The following FNDC3A variants were observed in gnomAD, a reference collection of about 807,000 sequenced individuals.
FNDC3A encodes fibronectin type III domain containing 3A.
Under a neutral mutation model 148.9 loss-of-function variants are expected in FNDC3A, and 32 were observed. That is an observed-to-expected ratio of 0.21 (90% confidence interval 0.16 to 0.29). The LOEUF is 0.29. FNDC3A is among the 10% of genes least tolerant of loss of function. The pLI is 1.00. For synonymous variants in FNDC3A, 472 were observed against 473.6 expected, an observed-to-expected ratio of 1.00 and a Z score of 0.04; for missense variants, 1,191 against 1,452.8, an observed-to-expected ratio of 0.82 and a Z score of 2.93.
intron 3 of FNDC3A, among the ~76,000 whole-genome samples, chr13:49,088,460 T>G (rs532632782): frequency 2.0e-3 from 298 of 152,308 alleles, no homozygotes; most frequent in Admixed American, 3.7e-3. Context: ...GATCATATAC[T>G]ACTACTACTT....
At chr13:49,030,333 A>T (rs1027512145) in intron 2 of FNDC3A, among the ~76,000 whole-genome samples, 8 of 152,166 alleles carry the variant, frequency 5.3e-5, no homozygotes, top group Non-Finnish European at 1.0e-4. Flanking sequence ...TCATGATAAA[A>T]ACACTCAGTA....
intron 3 of FNDC3A, among the ~76,000 whole-genome samples, chr13:49,077,239 C>T (rs1878177324): frequency 6.6e-6 from 1 of 152,172 alleles, no homozygotes; most frequent in Non-Finnish European, 1.5e-5. Context: ...TACCAGTGCA[C>T]TCCAGCCTGG....
intron 1 of FNDC3A, among the ~76,000 whole-genome samples, chr13:48,992,326 A>G (rs1214226567): frequency 6.6e-6 from 1 of 152,212 alleles, no homozygotes; most frequent in Non-Finnish European, 1.5e-5. Flanking sequence ...TAAAACTTCA[A>G]AAGACATTGG....
chr13:48,978,303 C>T (rs1951638703), intron 1 of FNDC3A, among the ~76,000 whole-genome samples: 2 of 151,934 alleles, frequency 1.3e-5, no homozygotes, highest in Admixed American at 6.5e-5. Context: ...CTTAACCCCC[C>T]GAAAAAAAGA....
chr13:49,080,451 T>A (rs1469124047), intron 3 of FNDC3A, among the ~76,000 whole-genome samples: 1 of 152,180 alleles, frequency 6.6e-6, no homozygotes, highest in African/African-American at 2.4e-5. Flanking sequence ...TTGAAATGAG[T>A]GCTAGTTTGA....
chr13:49,051,994 C>A lies in FNDC3A; in HGVS notation c.100-23295C>A, dbSNP rs142249269. Reference sequence around the variant, plus strand: ...AGACTTTCCAGTGCATTTTGCATTTCTCTGAGTGTGTCCTTGATTTCCAGA... The same window carrying A: ...AGACTTTCCAGTGCATTTTGCATTTATCTGAGTGTGTCCTTGATTTCCAGA... On this transcript the variant is annotated intron_variant, in intron 2 of 25. Transcript: ENST00000492622. 2.6e-3 allele frequency among the ~76,000 whole-genome samples: 392 copies of A among 152,120 alleles called. 10 individuals are homozygous for A. In the East Asian group the frequency reaches 0.041, roughly 16 times the overall value.
intron 2 of FNDC3A, among the ~76,000 whole-genome samples, chr13:49,008,427 A>G (rs903039121): frequency 3.3e-5 from 5 of 149,540 alleles, no homozygotes; most frequent in Non-Finnish European, 7.4e-5. Flanking sequence ...TGCCTGTTTA[A>G]CCACAGACTA....
intron 14 of FNDC3A, among the ~76,000 whole-genome samples, chr13:49,182,326 T>G (rs922433012): frequency 6.6e-6 from 1 of 152,174 alleles, no homozygotes; most frequent in Non-Finnish European, 1.5e-5. Flanking sequence ...GCAGTCAGAA[T>G]TCTTTAAAAT....
intron 2 of FNDC3A, among the ~76,000 whole-genome samples, chr13:49,057,251 G>A (rs571076639): frequency 1.9e-4 from 29 of 152,268 alleles, no homozygotes; most frequent in African/African-American, 6.7e-4. Context: ...GCTTTCTTAC[G>A]TCCTTCTGTT....
intron 3 of FNDC3A, among the ~76,000 whole-genome samples, chr13:49,077,265 C>T (rs141603363): frequency 1.3e-5 from 2 of 152,280 alleles, no homozygotes; most frequent in East Asian, 3.9e-4. Context: ...AAAGCGAGAC[C>T]CTGTCTCAAA....
At chr13:48,997,733 G>A (rs952934024) in intron 1 of FNDC3A, among the ~76,000 whole-genome samples, 7 of 152,252 alleles carry the variant, frequency 4.6e-5, no homozygotes, top group Admixed American at 1.3e-4. Flanking sequence ...TATGTCTGTT[G>A]TTTAAAGCAA....
At chr13:49,028,891 A>C (rs1459332727) in intron 2 of FNDC3A, among the ~76,000 whole-genome samples, 10 of 152,236 alleles carry the variant, frequency 6.6e-5, no homozygotes. Flanking sequence ...CAACAACAGC[A>C]GCATGTATAA....
intron 6 of FNDC3A, among the ~76,000 whole-genome samples, chr13:49,137,370 A>G (rs1882433457): frequency 1.3e-5 from 2 of 151,314 alleles, no homozygotes; most frequent in Admixed American, 1.3e-4. Flanking sequence ...TTTGAGACCA[A>G]GTCTCGCTCT....
intron 3 of FNDC3A, among the ~76,000 whole-genome samples, chr13:49,087,056 T>C (rs1356594443): frequency 6.6e-6 from 1 of 152,074 alleles, no homozygotes; most frequent in Non-Finnish European, 1.5e-5. Context: ...TAAGAGAAAA[T>C]TGCAATATTT....
chr13:49,136,347 ATGG>A lies in FNDC3A; in HGVS notation c.507_509del (p.His169_Gly170delinsGln). ...TGCCTCCTAGATGCTCACTCTACAC[ATGG>A]AAGGTCCAACTTTAGAGATGAACGA... is the stretch of plus-strand genomic sequence containing the variant. On this transcript the variant is annotated inframe_deletion, in exon 6 of 26. Coordinates refer to ENST00000492622, the MANE Select transcript of FNDC3A (RefSeq NM_001079673.2). 1 of 1,614,078 alleles carries A rather than the reference ATGG, an allele frequency of 6.2e-7. No homozygotes were observed. The highest frequency in any genetic ancestry group is 8.5e-7 in the Non-Finnish European group (1 of 1,179,960).
Position 49,104,063 on chromosome 13 carries a change from T to A in FNDC3A, c.176-10592T>A, listed in dbSNP as rs188908501. On this transcript the variant is annotated intron_variant, in intron 3 of 25. Transcript: ENST00000492622. ...AAATTGAAAAAGTATGATCAGGAGG[T>A]AGAAAGGAAACTAGGAGAAACTAAT... Among the ~76,000 whole-genome samples, 445 of 151,558 alleles carry A rather than the reference T, an allele frequency of 2.9e-3. 2 individuals are homozygous for A. Among genetic ancestry groups the A allele is most frequent in the African/African-American group, 0.01 (423 of 41,300 alleles).
intron 2 of FNDC3A, among the ~76,000 whole-genome samples, chr13:49,017,524 C>T (rs1273219999): frequency 6.6e-5 from 10 of 152,144 alleles, no homozygotes; most frequent in Admixed American, 3.3e-4. Context: ...TTCCTGAATA[C>T]AGCACACTGA....
intron 8 of FNDC3A, among the ~76,000 whole-genome samples, chr13:49,165,532 G>A (rs1884405837): frequency 6.6e-6 from 1 of 152,104 alleles, no homozygotes; most frequent in African/African-American, 2.4e-5. Flanking sequence ...TGTGAGGTGG[G>A]CCTGTCCTCG....
At chr13:49,005,919 A>G (rs898497941) in intron 1 of FNDC3A, among the ~76,000 whole-genome samples, 6 of 151,996 alleles carry the variant, frequency 3.9e-5, no homozygotes, top group African/African-American at 1.4e-4. Flanking sequence ...ATTCGCTTTA[A>G]TATATCATAT....
Sources: allele counts gnomAD v4.1 joint callset (sites outside exome capture counted in the v4.1 genomes callset), GRCh38; gene constraint gnomAD v4.1.1; transcripts MANE v1.5; gene names NCBI Gene and HGNC (gene_info 2026-07-23, HGNC 2026-07-21).